Variants in RFC5 observed in about 807,000 individuals in gnomAD.
The protein encoded by RFC5 is A1 36 kDa subunit.
In RFC5, 26 loss-of-function variants were observed where a neutral mutation model predicts 44.3. The ratio of observed to expected loss-of-function variants is 0.59; its 90% CI spans 0.43 to 0.81. The LOEUF (loss-of-function observed/expected upper bound fraction) is 0.81. RFC5 is among the 40% of genes least tolerant of loss of function. RFC5 has a pLI of 0.00. For missense variants in RFC5, 328 were observed against 418.6 expected (o/e 0.78, Z 1.89); for synonymous variants, 155 against 155.2 (o/e 1.00, Z 0.01).
intron 5 of RFC5, among the ~76,000 whole-genome samples, chr12:118,023,507 G>GGGAGGAGGA (rs201689875): frequency 7.3e-6 from 1 of 137,780 alleles, no homozygotes; most frequent in African/African-American, 3.0e-5. Context: ...GGAGAGGTGG[G>GGGAGGAGGA]GGAGGAGGAG....
intron 8 of RFC5, 78 bp downstream of exon 8, chr12:118,027,096 C>G (rs2031000899): frequency 6.9e-7 from 1 of 1,441,318 alleles, no homozygotes; most frequent in Non-Finnish European, 9.5e-7. Flanking sequence ...AGCACCCACA[C>G]CTTGCTGGCA....
chr12:118,031,102 G>A (rs1279785413), intron 10 of RFC5, 80 bp from the exon 11 acceptor site: 3 of 943,188 alleles, frequency 3.2e-6, no homozygotes, highest in East Asian at 2.5e-5. Flanking sequence ...CAGATTTTCA[G>A]CCCTAGATCT....
intron 10 of RFC5, among the ~76,000 whole-genome samples, chr12:118,030,663 G>A (rs1474654667): frequency 2.0e-5 from 3 of 152,140 alleles, no homozygotes; most frequent in Non-Finnish European, 4.4e-5. Flanking sequence ...TTTTGAGACA[G>A]AGTCCCACTC....
At chr12:118,040,773 C>T in the RFC5 span, among the ~76,000 whole-genome samples, 15 of 152,182 alleles carry the variant, frequency 9.9e-5, no homozygotes, top group African/African-American at 2.6e-4. Context: ...GTAGGCCAGG[C>T]GCAGTGGCTC....
At chr12:118,036,584 A>G, downstream of RFC5, 1 of 1,467,836 alleles carries the variant, frequency 6.8e-7, no homozygotes. Context: ...AGGGAAAGGT[A>G]CCACCACCAA....
chr12:118,028,286 C>A (rs1440050790), intron 9 of RFC5, among the ~76,000 whole-genome samples: 1 of 152,024 alleles, frequency 6.6e-6, no homozygotes, highest in Non-Finnish European at 1.5e-5. Flanking sequence ...GAGTTGAAGA[C>A]CAGCCTGGGC....
rs748422067 is a variant in RFC5 at position 118,022,307 on chromosome 12, C to T, written c.369C>T (p.Ile123=). ...TIFKKGFKLV[I]LDEADAMTQD... is the part of the protein sequence containing the mutation. ...CTAGGAAAGGCTTTAAGCTAGTGAT[C>T]TTGGATGAAGCAGACGCCATGACTC... is the stretch of plus-strand genomic sequence containing the variant. The change falls in exon 5 of 11, where the codon ATC becomes ATT. Residue 123 remains isoleucine (I), a synonymous_variant. Transcript: ENST00000454402. 1.9e-6 allele frequency: 3 copies of T among 1,613,918 alleles called. No homozygotes were observed. The highest frequency in any genetic ancestry group is 2.5e-6 in the Non-Finnish European group (3 of 1,179,818).
intron 1 of RFC5, among the ~76,000 whole-genome samples, chr12:118,017,320 T>C (rs1327322461): frequency 6.6e-6 from 1 of 152,206 alleles, no homozygotes; most frequent in Admixed American, 6.5e-5. Flanking sequence ...TATTATTAGA[T>C]TAGCAGACGC....
chr12:118,016,885 C>A lies in RFC5; in HGVS notation c.58C>A (p.Leu20Met), dbSNP rs751099368. ...GCCCGCGGCGACCAAGATCAGGAACCTGCCCTGGTAGGAGGAGGCCGAGCG... is the reference window on the plus strand; with the variant it reads ...GCCCGCGGCGACCAAGATCAGGAACATGCCCTGGTAGGAGGAGGCCGAGCG... ...EQPAATKIRNLPWVEKYRPQT... is the reference protein window; with the variant it reads ...EQPAATKIRNMPWVEKYRPQT... Residue 20 changes from leucine to methionine, a missense_variant, in exon 1 of 11, where the codon CTG (leucine) becomes ATG (methionine). By Grantham distance (15) the Leu-to-Met change is conservative. Coordinates refer to ENST00000454402, the MANE Select transcript of RFC5 (RefSeq NM_007370.7). 2 of 1,613,232 alleles carry A rather than the reference C, an allele frequency of 1.2e-6. No individual in the cohort carries two copies. The highest frequency in any genetic ancestry group is 2.2e-5 in the South Asian group (2 of 91,036).
chr12:118,036,910 G>A (rs1168998024), downstream of RFC5, among the ~76,000 whole-genome samples: 1 of 152,192 alleles, frequency 6.6e-6, no homozygotes, highest in East Asian at 1.9e-4. Context: ...GGCCAGGCAC[G>A]ATGGCTCATG....
At chr12:118,030,138 C>G (rs949119076) in intron 10 of RFC5, among the ~76,000 whole-genome samples, 1 of 152,128 alleles carries the variant, frequency 6.6e-6, no homozygotes, top group African/African-American at 2.4e-5. Context: ...CTTCAACCAC[C>G]CAGCTGTTAT....
chr12:118,016,808 G>A lies in RFC5; in HGVS notation c.-20G>A. On this transcript the variant is annotated 5_prime_UTR_variant, in exon 1 of 11. Transcript: ENST00000454402. ...TGACGCGACGATCTCAGCGGATCTG[G>A]TCACCTTCGTCTCCCCGCCATGGAG... 1 of 1,605,810 alleles carries A rather than the reference G, an allele frequency of 6.2e-7. No individual in the cohort carries two copies. Among genetic ancestry groups the A allele is most frequent in the Non-Finnish European group, 8.5e-7 (1 of 1,176,132 alleles).
At chr12:118,023,424 G>A (rs868569241) in intron 5 of RFC5, among the ~76,000 whole-genome samples, 3 of 37,926 alleles carry the variant, frequency 7.9e-5, no homozygotes, top group South Asian at 1.6e-3. Flanking sequence ...GGGGAGGAGG[G>A]GAGGAAGAGG....
rs5745860 is a variant in RFC5, at chr12:118,025,514, G to C, written c.582-233G>C. 6.8e-3 allele frequency: 3,156 copies of C among 467,350 alleles called. 82 individuals are homozygous for C. Among genetic ancestry groups the C allele is most frequent in the African/African-American group, 0.055 (2,837 of 51,662 alleles). The allele number at this position is 467,350 out of a possible 1,614,324, so 29.0% of individuals were successfully genotyped here. A position where few individuals can be genotyped will look rare whatever the true frequency, so the allele number is the denominator to read the frequency against. On this transcript the variant is annotated intron_variant, in intron 6 of 10. Transcript: ENST00000454402. ...CGACTGGCTCCATGGGAGAATGCTTGTTCCTAAATTCAGGCTGTTCTCGAT... is the reference window on the plus strand; with the variant it reads ...CGACTGGCTCCATGGGAGAATGCTTCTTCCTAAATTCAGGCTGTTCTCGAT...
At chr12:118,034,969 A>G, downstream of RFC5, 4 of 1,610,574 alleles carry the variant, frequency 2.5e-6, no homozygotes, top group Non-Finnish European at 3.4e-6. Flanking sequence ...CCATCTGTTC[A>G]GCTAACAAAT....
At chr12:118,028,317 C>T (rs1351002203) in intron 9 of RFC5, among the ~76,000 whole-genome samples, 1 of 152,020 alleles carries the variant, frequency 6.6e-6, no homozygotes, top group African/African-American at 2.4e-5. Flanking sequence ...AACCCCGTCT[C>T]TACTAAAAAT....
the RFC5 span, among the ~76,000 whole-genome samples, chr12:118,039,493 G>A: frequency 6.6e-6 from 1 of 152,094 alleles, no homozygotes; most frequent in African/African-American, 2.4e-5. Flanking sequence ...GAATGCAAAC[G>A]TGTGTGCACA....
At chr12:118,020,043 C>T (rs1401021771) in intron 3 of RFC5, among the ~76,000 whole-genome samples, 1 of 152,192 alleles carries the variant, frequency 6.6e-6, no homozygotes, top group Non-Finnish European at 1.5e-5. Flanking sequence ...TGGTTGCTGC[C>T]TGTCTGCCAT....
chr12:118,033,949 A>T (rs551893733), downstream of RFC5: 4 of 508,440 alleles, frequency 7.9e-6, no homozygotes, highest in East Asian at 1.4e-4. Context: ...TCATAACTGG[A>T]CTGAAAATTT....
Sources: allele counts gnomAD v4.1 joint callset (sites outside exome capture counted in the v4.1 genomes callset), GRCh38; gene constraint gnomAD v4.1.1; transcripts MANE v1.5; gene names NCBI Gene and HGNC (gene_info 2026-07-23, HGNC 2026-07-21).